The following SYTL2 variants were observed in gnomAD, a reference collection of about 807,000 sequenced individuals.
SYTL2 encodes the protein synaptotagmin-like protein 2.
A neutral mutation model predicts 198.7 loss-of-function variants in SYTL2; 165 were observed. The observed-to-expected ratio is 0.83, with a 90% CI of 0.73 to 0.94. The LOEUF (loss-of-function observed/expected upper bound fraction) is 0.94. Ranked by LOEUF, SYTL2 falls within the 40% of genes least tolerant of loss-of-function variation. The probability of loss-of-function intolerance (pLI) is 0.00; values close to 1 mark genes in which losing one functional copy is unlikely to be tolerated. For missense variants in SYTL2, 2,835 were observed against 2,582.8 expected (o/e 1.10, Z -2.12); for synonymous variants, 966 against 917.7 (o/e 1.05, Z -0.95).
intron 1 of SYTL2, among the ~76,000 whole-genome samples, chr11:85,810,092 C>T (rs1408196074): frequency 6.6e-6 from 1 of 152,188 alleles, no homozygotes; most frequent in African/African-American, 2.4e-5. Flanking sequence ...GAAGCCCCAC[C>T]GGGCTTCCTC....
At chr11:85,770,536 T>A (rs953935141) in intron 1 of SYTL2, among the ~76,000 whole-genome samples, 8 of 152,330 alleles carry the variant, frequency 5.3e-5, no homozygotes, top group African/African-American at 1.7e-4. Context: ...AGTATTGGCA[T>A]CCTTCTCATT....
In SYTL2 at chr11:85,726,645, T is replaced by G; in HGVS notation, c.2713A>C (p.Asn905His). Residue 905 changes from asparagine (N) to histidine (H), a missense_variant, in exon 8 of 20, where the codon AAT (asparagine) becomes CAT (histidine). Physicochemically the swap from Asn to His is moderately conservative, Grantham distance 68 (BLOSUM62 1). Transcript: ENST00000359152. ...EQSDKVSLFQNKKNEPIKRSQ... is the reference protein window; with the variant it reads ...EQSDKVSLFQHKKNEPIKRSQ... ...CTTTTTATAGGCTCATTTTTCTTAT[T>G]CTGAAACAGAGACACTTTATCTGAT... The G allele has an allele frequency of 5.2e-6, 8 of 1,537,434 alleles. No homozygotes were observed. The highest frequency in any genetic ancestry group is 7.0e-6 in the Non-Finnish European group (8 of 1,147,366).
At chr11:85,731,860 C>A (rs2153480391) in intron 7 of SYTL2, among the ~76,000 whole-genome samples, 1 of 152,196 alleles carries the variant, frequency 6.6e-6, no homozygotes, top group Non-Finnish European at 1.5e-5. Context: ...TATACAGAAT[C>A]TACAAGGAAC....
chr11:85,737,286 C>T (rs1411686088), intron 5 of SYTL2, among the ~76,000 whole-genome samples: 1 of 152,080 alleles, frequency 6.6e-6, no homozygotes, highest in Non-Finnish European at 1.5e-5. Context: ...AACTAACAAG[C>T]CTTATTCCAT....
intron 2 of SYTL2, among the ~76,000 whole-genome samples, chr11:85,754,629 C>T (rs1044507258): frequency 6.6e-5 from 10 of 152,198 alleles, no homozygotes; most frequent in Non-Finnish European, 1.0e-4. Flanking sequence ...CTCGCTATCT[C>T]TTGCTTCCTA....
At chr11:85,835,386 A>G in the SYTL2 span, among the ~76,000 whole-genome samples, 1 of 138,310 alleles carries the variant, frequency 7.2e-6, no homozygotes, top group Non-Finnish European at 1.6e-5. Context: ...TTGGTTAAAT[A>G]ATTAGTCACT....
chr11:85,815,858 T>C (rs1326619263), upstream of SYTL2, among the ~76,000 whole-genome samples: 1 of 152,172 alleles, frequency 6.6e-6, no homozygotes, highest in African/African-American at 2.4e-5. Context: ...CATATGGCCT[T>C]CCTTTAAAAA....
At chr11:85,722,465 T>C (rs1036528218) in intron 8 of SYTL2, among the ~76,000 whole-genome samples, 4 of 152,066 alleles carry the variant, frequency 2.6e-5, no homozygotes, top group Admixed American at 6.6e-5. Context: ...TGAGCCACCG[T>C]GCCCAGCCTA....
chr11:85,844,317 C>T, the SYTL2 span, among the ~76,000 whole-genome samples: 1 of 152,112 alleles, frequency 6.6e-6, no homozygotes, highest in Non-Finnish European at 1.5e-5. Context: ...CCATATGAAG[C>T]GTGTAGGGAG....
the SYTL2 span, among the ~76,000 whole-genome samples, chr11:85,840,989 C>T: frequency 1.3e-5 from 2 of 151,948 alleles, no homozygotes; most frequent in Non-Finnish European, 2.9e-5. Flanking sequence ...AACAAATTTA[C>T]AAGCAAAAAA....
At chr11:85,703,005 G>A (rs2084582650) in intron 16 of SYTL2, among the ~76,000 whole-genome samples, 1 of 152,102 alleles carries the variant, frequency 6.6e-6, no homozygotes, top group Non-Finnish European at 1.5e-5. Context: ...ATTATAGATT[G>A]GCTTAAATTG....
At chr11:85,781,165 C>T (rs760508909) in intron 1 of SYTL2, among the ~76,000 whole-genome samples, 1 of 152,094 alleles carries the variant, frequency 6.6e-6, no homozygotes, top group Non-Finnish European at 1.5e-5. Flanking sequence ...GCTGGGGAGG[C>T]CTCAGGAAAC....
At chr11:85,703,975 G>A (rs1229252067) in intron 16 of SYTL2, among the ~76,000 whole-genome samples, 2 of 151,888 alleles carry the variant, frequency 1.3e-5, no homozygotes, top group Admixed American at 6.6e-5. Context: ...GAGAAAAAAT[G>A]GAATAATAAT....
rs1555234461 is a variant in SYTL2, at chr11:85,726,213, C to T, written c.3145G>A (p.Glu1049Lys). 1 of 1,613,264 alleles carries T rather than the reference C, an allele frequency of 6.2e-7. No individual in the cohort carries two copies. Among genetic ancestry groups the T allele is most frequent in the East Asian group, 2.2e-5 (1 of 44,868 alleles). The change falls in exon 8 of 20, where the codon GAG becomes AAG. Residue 1049 changes from glutamate (E) to lysine (K), a missense_variant. This residue lies in a region of SYTL2 where 2,645 missense variants were observed against 2,381.7 expected (regional missense o/e 1.11). Coordinates refer to ENST00000359152, the MANE Select transcript of SYTL2 (RefSeq NM_206927.4). ...LLSPKKVMAR[E>K]EMEKLNSKGI... is the part of the protein sequence containing the mutation. Reference sequence around the variant, plus strand: ...TTTGAATTTAATTTCTCCATTTCCTCTCTTGCCATAACTTTTTTTGGGCTT... The same window carrying T: ...TTTGAATTTAATTTCTCCATTTCCTTTCTTGCCATAACTTTTTTTGGGCTT...
chr11:85,820,722 C>G, the SYTL2 span, among the ~76,000 whole-genome samples: 1 of 152,218 alleles, frequency 6.6e-6, no homozygotes, highest in Admixed American at 6.5e-5. Flanking sequence ...TGATGTGTAT[C>G]TCCTATTCCT....
chr11:85,812,479 A>G (rs1433527785), upstream of SYTL2, among the ~76,000 whole-genome samples: 2 of 152,190 alleles, frequency 1.3e-5, no homozygotes, highest in Non-Finnish European at 2.9e-5. Context: ...AAGAGGAATA[A>G]GCCACTGGTC....
intron 1 of SYTL2, among the ~76,000 whole-genome samples, chr11:85,789,340 G>GTATA (rs56956411): frequency 1.1e-3 from 70 of 62,502 alleles, no homozygotes; most frequent in East Asian, 4.7e-3. Context: ...GTGTGTGTGT[G>GTATA]TATATATATA....
At chr11:85,806,977 G>A (rs2092967241) in intron 1 of SYTL2, among the ~76,000 whole-genome samples, 1 of 152,258 alleles carries the variant, frequency 6.6e-6, no homozygotes, top group South Asian at 2.1e-4. Context: ...AGAGCATCCA[G>A]GAGCACGGCG....
intron 1 of SYTL2, among the ~76,000 whole-genome samples, chr11:85,809,969 T>C (rs926073872): frequency 3.9e-5 from 6 of 152,162 alleles, no homozygotes; most frequent in Admixed American, 2.6e-4. Flanking sequence ...ATCTGGCTGC[T>C]CCATCCAGCA....
Sources: allele counts gnomAD v4.1 joint callset (sites outside exome capture counted in the v4.1 genomes callset), GRCh38; gene constraint gnomAD v4.1.1; regional missense constraint gnomAD v4.1.1; transcripts MANE v1.5; gene names NCBI Gene and HGNC (gene_info 2026-07-23, HGNC 2026-07-21).